Variants in KMT2C observed in about 807,000 individuals in gnomAD.
KMT2C encodes the protein histone-lysine N-methyltransferase 2C.
A neutral mutation model predicts 507.9 loss-of-function variants in KMT2C; 88 were observed. That is an observed-to-expected ratio of 0.17 (90% CI 0.15 to 0.21). The LOEUF is 0.21. Among genes scored for constraint, KMT2C ranks in the 10% least tolerant of loss-of-function variants. The probability of loss-of-function intolerance (pLI) is 1.00; values close to 1 mark genes in which losing one functional copy is unlikely to be tolerated. For synonymous variants in KMT2C, 2,049 were observed against 2,080.8 expected (o/e 0.98, Z 0.42); for missense variants, 4,954 against 5,957.8 (o/e 0.83, Z 5.55).
intron 1 of KMT2C, among the ~76,000 whole-genome samples, chr7:152,424,042 G>A (rs2097795116): frequency 6.6e-6 from 1 of 152,116 alleles, no homozygotes; most frequent in Admixed American, 6.5e-5. Flanking sequence ...TAAGGTTAAG[G>A]AGAAACTTCA....
intron 1 of KMT2C, among the ~76,000 whole-genome samples, chr7:152,427,178 G>A (rs2097827204): frequency 2.0e-5 from 3 of 152,020 alleles, no homozygotes; most frequent in Admixed American, 1.3e-4. Context: ...ACCATGACTG[G>A]CTAATTTTTG....
intron 6 of KMT2C, among the ~76,000 whole-genome samples, chr7:152,284,123 T>C (rs1278514013): frequency 2.0e-5 from 3 of 152,190 alleles, no homozygotes; most frequent in Non-Finnish European, 4.4e-5. Flanking sequence ...AAAGAAAATA[T>C]ACAACTATAG....
chr7:152,152,952 G>C lies in KMT2C; in HGVS notation c.12279C>G (p.Asn4093Lys), dbSNP rs1307229120. 6.2e-7 allele frequency: 1 copy of C among 1,613,702 alleles called. No individual in the cohort carries two copies. The highest frequency in any genetic ancestry group is 8.5e-7 in the Non-Finnish European group (1 of 1,179,594). The change falls in exon 49 of 59, where the codon AAC (asparagine) becomes AAG (lysine). Residue 4093 changes from asparagine (N) to lysine (K), a missense_variant and splice_region_variant. Coordinates refer to ENST00000262189, the MANE Select transcript of KMT2C (RefSeq NM_170606.3). ...AITLHPTAAENISSVVAAFSD... is the reference protein window; with the variant it reads ...AITLHPTAAEKISSVVAAFSD... ...AAAATGCAGCCACAACACTGCTAAT[G>C]TTCTAAAACCAAATGCAAATGCTGT...
chr7:152,163,251 A>G lies in KMT2C; in HGVS notation c.10326T>C (p.Ser3442=). The change falls in exon 43 of 59, where the codon AGT becomes AGC. Residue 3442 remains serine (S), a synonymous_variant. Coordinates refer to ENST00000262189, the MANE Select transcript of KMT2C (RefSeq NM_170606.3). ...TCTGGGACACAGATGTCCTACTACTACTTATCTCAGAGCCCACCATACCAT... is the reference window on the plus strand; with the variant it reads ...TCTGGGACACAGATGTCCTACTACTGCTTATCTCAGAGCCCACCATACCAT... ...EQHGMVGSEI[S]SSRTSVSQIP... 6.2e-7 allele frequency: 1 copy of G among 1,614,168 alleles called. No individual in the cohort carries two copies. The highest frequency in any genetic ancestry group is 8.5e-7 in the Non-Finnish European group (1 of 1,179,994).
intron 6 of KMT2C, among the ~76,000 whole-genome samples, chr7:152,309,015 T>A (rs1385628654): frequency 6.6e-6 from 1 of 152,104 alleles, no homozygotes; most frequent in Non-Finnish European, 1.5e-5. Flanking sequence ...TACAATGCAA[T>A]AAAGATGAAC....
chr7:152,424,418 C>G (rs2097797576), intron 1 of KMT2C, among the ~76,000 whole-genome samples: 1 of 151,860 alleles, frequency 6.6e-6, no homozygotes, highest in African/African-American at 2.4e-5. Context: ...CTCTGTTAAT[C>G]TTTTTTTTGT....
At chr7:152,397,944 C>T (rs964724032) in intron 1 of KMT2C, among the ~76,000 whole-genome samples, 8 of 152,100 alleles carry the variant, frequency 5.3e-5, no homozygotes, top group African/African-American at 1.9e-4. Context: ...CAGCAGTAAA[C>T]GCACTAATAC....
intron 1 of KMT2C, among the ~76,000 whole-genome samples, chr7:152,431,037 C>G (rs1255520297): frequency 6.6e-6 from 1 of 152,166 alleles, no homozygotes; most frequent in Non-Finnish European, 1.5e-5. Flanking sequence ...TGTGGCTTGT[C>G]ACTTGGCAGA....
Position 152,215,688 on chromosome 7 carries a change from T to TATATATATATATATATACAC in KMT2C, c.3712+4834_3712+4835insGTGTATATATATATATATAT, listed in dbSNP as rs766518165. Reference sequence around the variant, plus strand: ...ACAAAAGGAACAAAATATATATATATACACACACACATACACACACAAAAT... The same window carrying TATATATATATATATATACAC: ...ACAAAAGGAACAAAATATATATATATATATATATATATATATACACACACACACACATACACACACAAAAT... On this transcript the variant is annotated intron_variant, in intron 23 of 58. Transcript: ENST00000262189. 2.5e-4 allele frequency among the ~76,000 whole-genome samples: 34 copies of TATATATATATATATATACAC among 134,428 alleles called. 3 individuals carry two copies. Among genetic ancestry groups the TATATATATATATATATACAC allele is most frequent in the African/African-American group, 1.0e-3 (30 of 29,596 alleles). 88.2% of individuals were successfully genotyped at this position (134,428 alleles called of 152,430 possible).
At chr7:152,382,223 T>G (rs1231000727) in intron 1 of KMT2C, among the ~76,000 whole-genome samples, 1 of 152,274 alleles carries the variant, frequency 6.6e-6, no homozygotes, top group East Asian at 1.9e-4. Flanking sequence ...CAGGCTTCAT[T>G]GAGACAAAAG....
chr7:152,162,290 C>G lies in KMT2C; in HGVS notation c.11287G>C (p.Ala3763Pro). The change falls in exon 43 of 59, where the codon GCT (alanine) becomes CCT (proline). Residue 3763 changes from alanine (A) to proline (P), a missense_variant. Around this residue, in one of 29 missense-constraint regions of KMT2C, gnomAD observed 801 missense variants for 751.2 expected, o/e 1.07. Coordinates refer to ENST00000262189, the MANE Select transcript of KMT2C (RefSeq NM_170606.3). ...VSSAQSPPHSAGAPAAKGDSG... is the reference protein window; with the variant it reads ...VSSAQSPPHSPGAPAAKGDSG... ...TCTCCTTTGGCAGCAGGGGCCCCAG[C>G]AGAATGGGGAGGACTCTGTGCTGAG... 3 of 1,614,142 alleles carry G rather than the reference C, an allele frequency of 1.9e-6. No individual in the cohort carries two copies. The South Asian group carries it at 3.3e-5, about 18-fold the overall frequency.
chr7:152,252,594 T>C lies in KMT2C; in HGVS notation c.1421A>G (p.Tyr474Cys). The C allele has an allele frequency of 6.2e-7, 1 of 1,613,656 alleles. No individual in the cohort carries two copies. Among genetic ancestry groups the C allele is most frequent in the Non-Finnish European group, 8.5e-7 (1 of 1,179,722 alleles). ...DNLCPFCGKC[Y>C]HPELQKDMLH... ...CATGTCTTTCTGCAATTCTGGATGA[T>C]AACACTTCCCACAGAAGGGACATAA... The change falls in exon 10 of 59, where the codon TAT (tyrosine) becomes TGT (cysteine). Residue 474 changes from tyrosine (Y) to cysteine (C), a missense_variant. Coordinates refer to ENST00000262189, the MANE Select transcript of KMT2C (RefSeq NM_170606.3).
intron 1 of KMT2C, among the ~76,000 whole-genome samples, chr7:152,420,331 G>A (rs895725734): frequency 1.3e-5 from 2 of 152,168 alleles, no homozygotes; most frequent in Admixed American, 6.5e-5. Flanking sequence ...TGTGACTGAT[G>A]CCACTAAGAA....
intron 2 of KMT2C, among the ~76,000 whole-genome samples, chr7:152,339,465 T>A (rs1048602666): frequency 6.6e-6 from 1 of 152,244 alleles, no homozygotes; most frequent in Non-Finnish European, 1.5e-5. Context: ...TTAAATTCAC[T>A]GCTAGATTTT....
rs540999023 is a variant in KMT2C at position 152,140,440 on chromosome 7, C to T, written c.14344-649G>A. On this transcript the variant is annotated intron_variant, in intron 55 of 58. Transcript: ENST00000262189. The stretch of plus-strand genomic sequence containing the variant: ...GCTCTCACTGCGCAGCTTGTACTCC[C>T]GTGCTGGTGGCCTGCCAGGTGCACT... Among the ~76,000 whole-genome samples the T allele has an allele frequency of 9.8e-5, 15 of 152,326 alleles. No individual in the cohort carries two copies. The South Asian group carries it at 1.9e-3, about 19-fold the overall frequency.
chr7:152,221,448 A>G (rs1201456580), intron 22 of KMT2C, among the ~76,000 whole-genome samples: 2 of 152,210 alleles, frequency 1.3e-5, no homozygotes, highest in Non-Finnish European at 2.9e-5. Context: ...TATCAACATA[A>G]TTACTAATAG....
intron 6 of KMT2C, among the ~76,000 whole-genome samples, chr7:152,296,312 T>C (rs1020697495): frequency 6.0e-5 from 9 of 151,034 alleles, no homozygotes; most frequent in Non-Finnish European, 1.2e-4. Flanking sequence ...TGGGTGCCTA[T>C]AATCCCAGCT....
At chr7:152,351,180 G>A (rs758067623) in intron 2 of KMT2C, among the ~76,000 whole-genome samples, 3 of 151,912 alleles carry the variant, frequency 2.0e-5, no homozygotes, top group African/African-American at 7.3e-5. Flanking sequence ...TAAGAAAAGG[G>A]GTACACTCCA....
intron 2 of KMT2C, among the ~76,000 whole-genome samples, chr7:152,347,658 T>G (rs1345651815): frequency 6.6e-6 from 1 of 152,246 alleles, no homozygotes; most frequent in Non-Finnish European, 1.5e-5. Flanking sequence ...CAATTGCCAA[T>G]GGTACCACAT....
Sources: gnomAD v4.1 joint callset for allele counts (sites outside exome capture counted in the v4.1 genomes callset) on GRCh38, gnomAD v4.1.1 for gene constraint, gnomAD v4.1.1 regional missense constraint, MANE v1.5 for transcripts, NCBI Gene and HGNC (gene_info 2026-07-23, HGNC 2026-07-21) for gene names.